Variants in TGFBR2 observed in about 807,000 individuals in gnomAD.
TGFBR2 encodes transforming growth factor beta receptor 2.
A neutral mutation model predicts 49.0 loss-of-function variants in TGFBR2; 18 were observed. That is an observed-to-expected ratio of 0.37 (90% CI 0.25 to 0.54). TGFBR2 has a LOEUF of 0.54. Among genes scored for constraint, TGFBR2 ranks in the 20% least tolerant of loss-of-function variants. The pLI is 0.85. For missense variants in TGFBR2, 525 were observed against 722.6 expected (o/e 0.73, Z 3.13); for synonymous variants, 282 against 275.9 (o/e 1.02, Z -0.22).
chr3:30,623,411 A>G (rs576295868), intron 1 of TGFBR2: 9 of 1,138,776 alleles, frequency 7.9e-6, no homozygotes, highest in Non-Finnish European at 1.2e-5. Context: ...AAATTGTTAA[A>G]GAGGCGATGG....
chr3:30,692,826 C>A lies in TGFBR2; in HGVS notation c.*1227C>A. On this transcript the variant is annotated 3_prime_UTR_variant, in exon 7 of 7. Transcript: ENST00000295754. ...ACTTTATAAATATTTGGAGATTTTG[C>A]AGGAAAATCTGGATCCCCAGGTAAG... The A allele has an allele frequency of 4.3e-6, 1 of 233,052 alleles. No homozygotes were observed. The highest frequency in any genetic ancestry group is 8.5e-6 in the Non-Finnish European group (1 of 117,848). 14.4% of individuals were successfully genotyped at this position (233,052 alleles called of 1,614,324 possible).
At chr3:30,638,547 A>G (rs1698586505) in intron 1 of TGFBR2, among the ~76,000 whole-genome samples, 1 of 152,202 alleles carries the variant, frequency 6.6e-6, no homozygotes, top group African/African-American at 2.4e-5. Flanking sequence ...ATAATTAGAT[A>G]AAGCATTAGG....
At chr3:30,639,272 G>A (rs1698600900) in intron 1 of TGFBR2, among the ~76,000 whole-genome samples, 1 of 152,152 alleles carries the variant, frequency 6.6e-6, no homozygotes, top group African/African-American at 2.4e-5. Flanking sequence ...GCTAGGTTCT[G>A]GTGCCCACTA....
intron 1 of TGFBR2, among the ~76,000 whole-genome samples, chr3:30,632,204 C>T (rs1698450651): frequency 6.6e-6 from 1 of 152,170 alleles, no homozygotes; most frequent in Admixed American, 6.5e-5. Flanking sequence ...TAAGACACAT[C>T]ATTGCCTTCC....
intron 1 of TGFBR2, among the ~76,000 whole-genome samples, chr3:30,641,528 A>T (rs570335901): frequency 3.3e-4 from 51 of 152,240 alleles, no homozygotes; most frequent in African/African-American, 1.2e-3. Flanking sequence ...TTGAAAAAAA[A>T]TTCTGGTTAA....
At chr3:30,613,034 G>A (rs1400340534) in intron 1 of TGFBR2, among the ~76,000 whole-genome samples, 1 of 151,712 alleles carries the variant, frequency 6.6e-6, no homozygotes, top group African/African-American at 2.4e-5. Flanking sequence ...TGTTTTGTTT[G>A]TAGGTTTGAA....
chr3:30,683,511 T>G (rs778717521), intron 5 of TGFBR2, among the ~76,000 whole-genome samples: 1 of 152,210 alleles, frequency 6.6e-6, no homozygotes, highest in Non-Finnish European at 1.5e-5. Flanking sequence ...TTGCAAGTAA[T>G]AAGGGAAAAA....
At chr3:30,611,996 G>A (rs866806120) in intron 1 of TGFBR2, among the ~76,000 whole-genome samples, 1 of 152,118 alleles carries the variant, frequency 6.6e-6, no homozygotes, top group Non-Finnish European at 1.5e-5. Flanking sequence ...AATGCTCACC[G>A]CTTCTTTTGC....
At chr3:30,624,218 C>T (rs1251729551) in intron 1 of TGFBR2, among the ~76,000 whole-genome samples, 1 of 152,140 alleles carries the variant, frequency 6.6e-6, no homozygotes, top group Non-Finnish European at 1.5e-5. Flanking sequence ...ACGACTCACA[C>T]AGACATCTAA....
At chr3:30,691,161 C>T (rs960693564) in intron 6 of TGFBR2, among the ~76,000 whole-genome samples, 1 of 152,172 alleles carries the variant, frequency 6.6e-6, no homozygotes, top group South Asian at 2.1e-4. Flanking sequence ...GCTGTCAGGA[C>T]CTATTGTGAT....
At chr3:30,617,346 G>GT (rs1698151161) in intron 1 of TGFBR2, among the ~76,000 whole-genome samples, 1 of 152,024 alleles carries the variant, frequency 6.6e-6, no homozygotes, top group Non-Finnish European at 1.5e-5. Flanking sequence ...TATCGGATTT[G>GT]CGTCTCATTC....
At chr3:30,629,115 C>T (rs558137968) in intron 1 of TGFBR2, among the ~76,000 whole-genome samples, 1 of 152,182 alleles carries the variant, frequency 6.6e-6, no homozygotes, top group Non-Finnish European at 1.5e-5. Flanking sequence ...TTTTGAATTT[C>T]TTTAGATCAG....
chr3:30,628,568 T>A (rs1698380508), intron 1 of TGFBR2, among the ~76,000 whole-genome samples: 1 of 145,420 alleles, frequency 6.9e-6, no homozygotes, highest in Admixed American at 6.9e-5. Flanking sequence ...AAAATGTTAA[T>A]TTCCTTTCTT....
rs727504421 is a variant in TGFBR2 at position 30,691,465 on chromosome 3, G to T, written c.1570G>T (p.Asp524Tyr). The T allele has an allele frequency of 1.9e-6, 3 of 1,614,052 alleles. No individual in the cohort carries two copies. The highest frequency in any genetic ancestry group is 1.3e-5 in the African/African-American group (1 of 75,026). ...CETLTECWDHDPEARLTAQCV... is the reference protein window; with the variant it reads ...CETLTECWDHYPEARLTAQCV... ...GACGTTGACTGAGTGCTGGGACCAC[G>T]ACCCAGAGGCCCGTCTCACAGCCCA... Residue 524 changes from aspartate to tyrosine, a missense_variant, in exon 7 of 7, where the codon GAC (aspartate) becomes TAC (tyrosine). Around this residue, in one of 3 missense-constraint regions of TGFBR2, gnomAD observed 104 missense variants for 133.4 expected, o/e 0.78. Coordinates refer to ENST00000295754, the MANE Select transcript of TGFBR2 (RefSeq NM_003242.6).
intron 5 of TGFBR2, among the ~76,000 whole-genome samples, chr3:30,678,652 T>C (rs937654169): frequency 2.0e-5 from 3 of 151,632 alleles, no homozygotes; most frequent in African/African-American, 7.3e-5. Flanking sequence ...ATGACAAGTA[T>C]AGTGGATCTA....
At chr3:30,607,428 C>A (rs1290027151) in intron 1 of TGFBR2, among the ~76,000 whole-genome samples, 1 of 152,252 alleles carries the variant, frequency 6.6e-6, no homozygotes, top group Admixed American at 6.5e-5. Context: ...GTTCAAAAGG[C>A]CAGCTCCTCA....
intron 1 of TGFBR2, among the ~76,000 whole-genome samples, chr3:30,636,684 C>G (rs1559453748): frequency 6.6e-6 from 1 of 151,950 alleles, no homozygotes. Flanking sequence ...CATGTCCTTG[C>G]ATCTACTCCC....
chr3:30,662,121 A>G (rs1017141957), intron 3 of TGFBR2, among the ~76,000 whole-genome samples: 1 of 152,256 alleles, frequency 6.6e-6, no homozygotes, highest in Admixed American at 6.5e-5. Context: ...AGAGAACAGC[A>G]GAAGGACCAA....
In TGFBR2 at chr3:30,693,685, C is replaced by T. The variant is rs1699750586; in HGVS notation, c.*2086C>T. On this transcript the variant is annotated 3_prime_UTR_variant, in exon 7 of 7. Transcript: ENST00000295754. The stretch of plus-strand genomic sequence containing the variant: ...GCACCGTAGGGCATGCTGATACCAT[C>T]CCAATAGCTGTTGCCCATTGACCTC... 4.3e-6 allele frequency: 1 copy of T among 233,716 alleles called. No individual in the cohort carries two copies. Among genetic ancestry groups the T allele is most frequent in the Non-Finnish European group, 8.5e-6 (1 of 117,990 alleles). 14.5% of individuals were successfully genotyped at this position (233,716 alleles called of 1,614,324 possible). A position where few individuals can be genotyped will look rare whatever the true frequency, so the allele number is the denominator to read the frequency against.
Sources: gnomAD v4.1 joint callset for allele counts (sites outside exome capture counted in the v4.1 genomes callset) on GRCh38, gnomAD v4.1.1 for gene constraint, gnomAD v4.1.1 regional missense constraint, MANE v1.5 for transcripts, NCBI Gene and HGNC (gene_info 2026-07-23, HGNC 2026-07-21) for gene names.